The following NCK2 variants were observed in gnomAD, a reference collection of about 807,000 sequenced individuals.
NCK2 encodes the protein NCK adaptor protein 2, also known as cytoplasmic protein NCK2.
In NCK2, 16 loss-of-function variants were observed where a neutral mutation model predicts 33.9. The ratio of observed to expected loss-of-function variants is 0.47; its 90% CI spans 0.32 to 0.72. The LOEUF (loss-of-function observed/expected upper bound fraction) is 0.72. NCK2 is among the 30% of genes least tolerant of loss of function. The probability of loss-of-function intolerance (pLI) is 0.03; values close to 1 mark genes in which losing one functional copy is unlikely to be tolerated. For synonymous variants in NCK2, 273 were observed against 239.9 expected, an observed-to-expected ratio of 1.14 and a Z score of -1.27; for missense variants, 418 against 537.3, an observed-to-expected ratio of 0.78 and a Z score of 2.19.
chr2:105,883,525 C>G (rs1160316429), intron 4 of NCK2, among the ~76,000 whole-genome samples: 1 of 152,100 alleles, frequency 6.6e-6, no homozygotes, highest in Non-Finnish European at 1.5e-5. Context: ...TTCTTTCTGC[C>G]TAAGATTTGG....
At chr2:105,848,709 G>A (rs1676942544) in intron 2 of NCK2, 1 of 152,124 alleles carries the variant, frequency 6.6e-6, no homozygotes, top group Non-Finnish European at 1.5e-5. Flanking sequence ...CCCCTCCCCA[G>A]TAAAATATTG....
chr2:105,784,150 C>G (rs1330421897), intron 1 of NCK2, among the ~76,000 whole-genome samples: 2 of 152,228 alleles, frequency 1.3e-5, no homozygotes, highest in African/African-American at 4.8e-5. Flanking sequence ...GTCACCCAGG[C>G]TGGCGTGCAG....
At chr2:105,760,190 G>A (rs997702899) in intron 1 of NCK2, among the ~76,000 whole-genome samples, 1 of 152,124 alleles carries the variant, frequency 6.6e-6, no homozygotes, top group Non-Finnish European at 1.5e-5. Context: ...TCTCCCAAAA[G>A]GGACCAAGAT....
intron 1 of NCK2, among the ~76,000 whole-genome samples, chr2:105,759,056 C>T (rs1215307941): frequency 6.6e-6 from 1 of 152,066 alleles, no homozygotes; most frequent in Non-Finnish European, 1.5e-5. Context: ...ATAATTAATG[C>T]TTAGTGTTTT....
At chr2:105,869,831 A>G (rs895753669) in intron 3 of NCK2, among the ~76,000 whole-genome samples, 3 of 152,204 alleles carry the variant, frequency 2.0e-5, no homozygotes, top group South Asian at 2.1e-4. Flanking sequence ...TAATGAAAAA[A>G]ATTTTTAATT....
chr2:105,893,204 C>G lies in NCK2; in HGVS notation c.*28C>G, dbSNP rs774246902. The G allele has an allele frequency of 6.5e-7, 1 of 1,545,844 alleles. No individual in the cohort carries two copies. Among genetic ancestry groups the G allele is most frequent in the Non-Finnish European group, 8.7e-7 (1 of 1,144,402 alleles). On this transcript the variant is annotated 3_prime_UTR_variant, in exon 5 of 5. Transcript: ENST00000233154. ...GCGCCCCGGCCCCACACTCGCCTCC[C>G]GGGCCCCACGGTGGAGCTGCCCGCC...
At chr2:105,758,503 G>A (rs1453876318) in intron 1 of NCK2, among the ~76,000 whole-genome samples, 3 of 143,824 alleles carry the variant, frequency 2.1e-5, no homozygotes, top group Non-Finnish European at 3.0e-5. Flanking sequence ...CTCTGTCCCC[G>A]GGTTCAAGCA....
intron 1 of NCK2, among the ~76,000 whole-genome samples, chr2:105,764,944 G>A (rs1451247461): frequency 6.6e-6 from 1 of 151,964 alleles, no homozygotes; most frequent in African/African-American, 2.4e-5. Context: ...GTGCTCATTT[G>A]GACATCTAAA....
chr2:105,892,867 G>T (rs1248319456), intron 4 of NCK2, 115 bp from the exon 5 acceptor site: 111 of 687,930 alleles, frequency 1.6e-4, no homozygotes, highest in Non-Finnish European at 2.3e-4. Flanking sequence ...AAAAAGCAGA[G>T]ACCCAGTGTT....
intron 1 of NCK2, among the ~76,000 whole-genome samples, chr2:105,782,730 T>C (rs1690542055): frequency 6.6e-6 from 1 of 152,164 alleles, no homozygotes; most frequent in Admixed American, 6.5e-5. Flanking sequence ...GGGCTGCAGC[T>C]GCCTGTAGAG....
In NCK2 at chr2:105,777,503, G is replaced by A. The variant is rs557812197; in HGVS notation, c.-201+32365G>A. On this transcript the variant is annotated intron_variant, in intron 1 of 4. Coordinates refer to ENST00000233154, the MANE Select transcript of NCK2 (RefSeq NM_003581.5). ...GTAGGTGCTGTGCATTTTCTGTATG[G>A]ATCAATGGAAATGGGATATTGATAA... Among the ~76,000 whole-genome samples, 16 of 152,230 alleles carry A rather than the reference G, an allele frequency of 1.1e-4. No individual in the cohort carries two copies. The South Asian group carries it at 3.3e-3, about 32-fold the overall frequency.
At chr2:105,768,333 A>G (rs1690014698) in intron 1 of NCK2, among the ~76,000 whole-genome samples, 1 of 152,182 alleles carries the variant, frequency 6.6e-6, no homozygotes, top group Admixed American at 6.5e-5. Flanking sequence ...GACACCACCT[A>G]GGTGTCCCCT....
chr2:105,794,335 C>T (rs189934993), intron 1 of NCK2, among the ~76,000 whole-genome samples: 23 of 152,140 alleles, frequency 1.5e-4, no homozygotes, highest in Admixed American at 1.2e-3. Context: ...TACAGGCATG[C>T]GCCACCATGC....
chr2:105,864,564 C>T (rs535093840), intron 3 of NCK2, among the ~76,000 whole-genome samples: 1 of 152,112 alleles, frequency 6.6e-6, no homozygotes, highest in African/African-American at 2.4e-5. Context: ...GAATCTCAGG[C>T]TTGGGAGGTA....
intron 1 of NCK2, among the ~76,000 whole-genome samples, chr2:105,804,121 T>C (rs535943148): frequency 6.6e-6 from 1 of 152,354 alleles, no homozygotes; most frequent in East Asian, 1.9e-4. Flanking sequence ...CAGGATTTAC[T>C]AATTTCAAGG....
intron 4 of NCK2, among the ~76,000 whole-genome samples, chr2:105,886,437 G>T (rs972945001): frequency 1.3e-5 from 2 of 152,254 alleles, no homozygotes; most frequent in African/African-American, 4.8e-5. Flanking sequence ...CTAGAATGCA[G>T]ATTGCCCCAG....
intron 2 of NCK2, among the ~76,000 whole-genome samples, chr2:105,852,844 A>C (rs369796107): frequency 6.6e-6 from 1 of 152,196 alleles, no homozygotes; most frequent in African/African-American, 2.4e-5. Flanking sequence ...GAAAGTGGAT[A>C]ACAAAATTGT....
chr2:105,864,127 G>A (rs1427719661), intron 3 of NCK2, among the ~76,000 whole-genome samples: 1 of 152,100 alleles, frequency 6.6e-6, no homozygotes, highest in Non-Finnish European at 1.5e-5. Flanking sequence ...ACACCGTAAA[G>A]GCCCTGGGTG....
At chr2:105,801,780 G>A (rs1456739996) in intron 1 of NCK2, among the ~76,000 whole-genome samples, 1 of 152,094 alleles carries the variant, frequency 6.6e-6, no homozygotes, top group Non-Finnish European at 1.5e-5. Flanking sequence ...GGGGAACAAA[G>A]TGACATTTTC....
Sources: allele counts gnomAD v4.1 joint callset (sites outside exome capture counted in the v4.1 genomes callset), GRCh38; gene constraint gnomAD v4.1.1; transcripts MANE v1.5; gene names NCBI Gene and HGNC (gene_info 2026-07-23, HGNC 2026-07-21).